The following MOV10L1 variants were observed in gnomAD, a reference collection of about 807,000 sequenced individuals.
MOV10L1 encodes RNA helicase Mov10l1.
Under a neutral mutation model 143.8 loss-of-function variants are expected in MOV10L1, and 110 were observed. The observed-to-expected ratio is 0.76, with a 90% CI of 0.66 to 0.90. The LOEUF (loss-of-function observed/expected upper bound fraction) is 0.90, where lower values mean the gene tolerates loss of function less well. Among genes scored for constraint, MOV10L1 ranks in the 40% least tolerant of loss-of-function variants. MOV10L1 has a pLI of 0.00. For synonymous variants in MOV10L1, 593 were observed against 581.1 expected (o/e 1.02, Z -0.29); for missense variants, 1,406 against 1,526.8 (o/e 0.92, Z 1.32).
chr22:50,090,570 A>G, intron 1 of MOV10L1: 1 of 1,569,522 alleles, frequency 6.4e-7, no homozygotes, highest in Non-Finnish European at 8.7e-7. Context: ...TCCTTTCAGA[A>G]CGCGCTGCGC....
chr22:50,157,919 A>G (rs950686090), intron 22 of MOV10L1, 138 bp from the exon 23 acceptor site: 2 of 1,026,642 alleles, frequency 1.9e-6, no homozygotes, highest in Non-Finnish European at 2.8e-6. Context: ...CCCTGCTCAC[A>G]TGTAAGTTCT....
chr22:50,109,716 C>A, intron 5 of MOV10L1: 1 of 194,798 alleles, frequency 5.1e-6, no homozygotes, highest in Non-Finnish European at 1.1e-5. Context: ...GTGGTGTGCA[C>A]CTCCGGTCCC....
At chr22:50,134,294 G>A (rs1391491488) in intron 14 of MOV10L1, among the ~76,000 whole-genome samples, 1 of 151,330 alleles carries the variant, frequency 6.6e-6, no homozygotes, top group African/African-American at 2.4e-5. Flanking sequence ...TATCTTGCTC[G>A]CTTTTCCCTT....
At chr22:50,128,538 GTC>G in intron 13 of MOV10L1, 31 bp downstream of exon 13, 61 of 596,888 alleles carry the variant, frequency 1.0e-4, no homozygotes, top group Non-Finnish European at 1.4e-4. Context: ...TCTTTCAAAT[GTC>G]TTTTTTTTTT....
chr22:50,120,519 T>A lies in MOV10L1; in HGVS notation c.1472T>A (p.Leu491His), dbSNP rs1478144026. 6.2e-7 allele frequency: 1 copy of A among 1,611,240 alleles called. No homozygotes were observed. Among genetic ancestry groups the A allele is most frequent in the African/African-American group, 1.3e-5 (1 of 74,936 alleles). Reference sequence around the variant, plus strand: ...TTTTTAAGGAACTCAAGACGACAACTTCCAAGTTTTCTTCCCCAATATCCA... The same window carrying A: ...TTTTTAAGGAACTCAAGACGACAACATCCAAGTTTTCTTCCCCAATATCCA... ...TAQKRNSRRQ[L>H]PSFLPQYPIP... Residue 491 changes from leucine to histidine, a missense_variant, in exon 10 of 27, where the codon CTT becomes CAT. Leu to His is a moderately conservative substitution (Grantham distance 99, BLOSUM62 -3). This residue lies in a region of MOV10L1 where 1,233 missense variants were observed against 1,351.4 expected (regional missense o/e 0.91). Transcript: ENST00000262794.
At chr22:50,160,007 C>A (rs1004394921) in intron 24 of MOV10L1, among the ~76,000 whole-genome samples, 2 of 152,148 alleles carry the variant, frequency 1.3e-5, no homozygotes, top group East Asian at 1.9e-4. Context: ...AGAGAAGGGA[C>A]CCAGGAAGAC....
chr22:50,111,486 C>CT (rs529438045), intron 5 of MOV10L1, among the ~76,000 whole-genome samples: 2,495 of 59,132 alleles, frequency 0.042, 782 homozygotes, highest in African/African-American at 0.087. Flanking sequence ...TCTGTCTTTG[C>CT]TTTTTTTTTT....
chr22:50,122,789 A>ATTTTTTTT (rs1272152147), intron 10 of MOV10L1, among the ~76,000 whole-genome samples: 1 of 102,042 alleles, frequency 9.8e-6, no homozygotes, highest in Admixed American at 1.2e-4. Flanking sequence ...TTATTTATTT[A>ATTTTTTTT]TTTATTTATT....
intron 22 of MOV10L1, among the ~76,000 whole-genome samples, 189 bp downstream of exon 22, chr22:50,153,407 G>C (rs1297989294): frequency 6.6e-6 from 1 of 152,226 alleles, no homozygotes; most frequent in African/African-American, 2.4e-5. Flanking sequence ...TGCCAGATGA[G>C]TTGTGCCTGG....
At chr22:50,156,251 G>A (rs112255411) in intron 22 of MOV10L1, among the ~76,000 whole-genome samples, 18 of 152,056 alleles carry the variant, frequency 1.2e-4, no homozygotes, top group East Asian at 3.9e-4. Context: ...AAGCAGCTGG[G>A]ACTACAGGCA....
At chr22:50,139,005 ATTTTTT>A (rs59141099) in intron 15 of MOV10L1, among the ~76,000 whole-genome samples, 2 of 144,998 alleles carry the variant, frequency 1.4e-5, no homozygotes, top group Non-Finnish European at 1.5e-5. Flanking sequence ...CCAGGCCTGA[ATTTTTT>A]TTTTTTTTTA....
intron 3 of MOV10L1, among the ~76,000 whole-genome samples, chr22:50,100,637 C>A (rs2061720995): frequency 6.6e-6 from 1 of 152,136 alleles, no homozygotes; most frequent in Admixed American, 6.5e-5. Flanking sequence ...CCTCAGCCTC[C>A]TGAGACTACA....
chr22:50,116,335 T>C (rs1187393972), intron 8 of MOV10L1, among the ~76,000 whole-genome samples: 1 of 151,558 alleles, frequency 6.6e-6, no homozygotes, highest in South Asian at 2.1e-4. Flanking sequence ...TAGTCCCAGC[T>C]ACTCAGGAGG....
intron 5 of MOV10L1, among the ~76,000 whole-genome samples, chr22:50,110,293 C>G (rs908900623): frequency 4.3e-4 from 65 of 150,764 alleles, no homozygotes; most frequent in African/African-American, 1.5e-3. Flanking sequence ...ACTAAAAACA[C>G]AAAAAATTAG....
intron 15 of MOV10L1, among the ~76,000 whole-genome samples, chr22:50,139,700 G>A (rs1380230818): frequency 6.6e-6 from 1 of 152,170 alleles, no homozygotes; most frequent in Non-Finnish European, 1.5e-5. Flanking sequence ...TTTTTATAAT[G>A]GATCAAACAC....
rs779143851 is a variant in MOV10L1 at position 50,092,140 on chromosome 22, A to G, written c.237A>G (p.Ala79=). The G allele has an allele frequency of 1.2e-6, 2 of 1,614,212 alleles. No individual in the cohort carries two copies. Among genetic ancestry groups the G allele is most frequent in the Non-Finnish European group, 1.7e-6 (2 of 1,180,032 alleles). The part of the protein sequence containing the change: ...VLLNVGQEVI[A]VVEENKVSNG... ...TGAATGTTGGACAGGAAGTGATTGC[A>G]GTTGTGGAAGAAAATAAAGTGTCCA... is the stretch of plus-strand genomic sequence containing the variant. Residue 79 remains alanine, a synonymous_variant, in exon 2 of 27, where the codon GCA becomes GCG. Coordinates refer to ENST00000262794, the MANE Select transcript of MOV10L1 (RefSeq NM_018995.3).
chr22:50,122,976 G>T (rs780132390), intron 10 of MOV10L1, among the ~76,000 whole-genome samples: 3 of 151,828 alleles, frequency 2.0e-5, no homozygotes, highest in Non-Finnish European at 4.4e-5. Context: ...GCAAGTATGG[G>T]TGTGAGCCAC....
rs562156293 is a variant in MOV10L1, at chr22:50,091,512, C to G, written c.98-489C>G. ...CTAATAAAACCGTGCATGCTAATGA[C>G]TCCCAGATGCTGATATAAGTGGCCA... On this transcript the variant is annotated intron_variant, in intron 1 of 26. Coordinates refer to ENST00000262794, the MANE Select transcript of MOV10L1 (RefSeq NM_018995.3). 4 of 154,326 alleles carry G rather than the reference C, an allele frequency of 2.6e-5. No individual in the cohort carries two copies. The East Asian group carries it at 7.7e-4, about 30-fold the overall frequency. The allele number at this position is 154,326 out of a possible 1,614,324, so 9.6% of individuals were successfully genotyped here. A position where few individuals can be genotyped will look rare whatever the true frequency, so the allele number is the denominator to read the frequency against.
chr22:50,148,023 C>T (rs560083107), intron 19 of MOV10L1, among the ~76,000 whole-genome samples: 1 of 152,354 alleles, frequency 6.6e-6, no homozygotes, highest in South Asian at 2.1e-4. Context: ...CAGGGTCTCA[C>T]CCCACAGTGG....
Sources: gnomAD v4.1 joint callset for allele counts (sites outside exome capture counted in the v4.1 genomes callset) on GRCh38, gnomAD v4.1.1 for gene constraint, gnomAD v4.1.1 regional missense constraint, MANE v1.5 for transcripts, NCBI Gene and HGNC (gene_info 2026-07-23, HGNC 2026-07-21) for gene names.